The following ETAA1 variants were observed in gnomAD, a reference collection of about 807,000 sequenced individuals.
ETAA1 encodes ETAA1 activator of ATR kinase.
ETAA1 carries 49 observed loss-of-function variants against 76.8 expected under a neutral mutation model. The observed-to-expected ratio is 0.64, with a 90% confidence interval of 0.51 to 0.81. The LOEUF is 0.81. ETAA1 is among the 30% of genes least tolerant of loss of function. The pLI is 0.00. For synonymous variants in ETAA1, 373 were observed against 372.2 expected (o/e 1.00, Z -0.03); for missense variants, 1,099 against 1,074.0 (o/e 1.02, Z -0.32).
chr2:67,410,533 A>T lies in ETAA1; in HGVS notation c.*495A>T, dbSNP rs1676345894. 6.6e-6 allele frequency: 1 copy of T among 152,006 alleles called. No individual in the cohort carries two copies. Among genetic ancestry groups the T allele is most frequent in the African/African-American group, 2.4e-5 (1 of 41,416 alleles). 9.4% of individuals were successfully genotyped at this position (152,006 alleles called of 1,614,324 possible). A position where few individuals can be genotyped will look rare whatever the true frequency, so the allele number is the denominator to read the frequency against. ...GTTGATATGAAATAAAGGACTTTTT[A>T]TTTGTAAGGAAATTATGTTCAGTTC... is the stretch of plus-strand genomic sequence containing the variant. On this transcript the variant is annotated 3_prime_UTR_variant, in exon 6 of 6. Coordinates refer to ENST00000272342, the MANE Select transcript of ETAA1 (RefSeq NM_019002.4).
chr2:67,402,967 T>C lies in ETAA1; in HGVS notation c.535T>C (p.Cys179Arg). ...AGGAAAATCAAGAGCAAAAATCAGCTGCACAAAGTAAGTTAAGACTTTTCA... is the reference window on the plus strand; with the variant it reads ...AGGAAAATCAAGAGCAAAAATCAGCCGCACAAAGTAAGTTAAGACTTTTCA... ...AKGKSRAKIS[C>R]TKLKTQSQEE... The change falls in exon 4 of 6, where the codon TGC (cysteine) becomes CGC (arginine). Residue 179 changes from cysteine to arginine, a missense_variant. Physicochemically the swap from Cys to Arg is radical, Grantham distance 180. Transcript: ENST00000272342. 1 of 1,600,378 alleles carries C rather than the reference T, an allele frequency of 6.2e-7. No homozygotes were observed. Among genetic ancestry groups the C allele is most frequent in the Non-Finnish European group, 8.5e-7 (1 of 1,174,044 alleles).
At chr2:67,400,021 A>G (rs1171226810) in intron 3 of ETAA1, among the ~76,000 whole-genome samples, 1 of 152,186 alleles carries the variant, frequency 6.6e-6, no homozygotes, top group East Asian at 1.9e-4. Context: ...ACATTTCCCC[A>G]TTGAAACTAT....
Position 67,404,036 on chromosome 2 carries a change from T to A in ETAA1, c.1354T>A (p.Tyr452Asn), listed in dbSNP as rs1441186240. ...ATTACAAGATCTTTCTTCAAAGACATATGACAGAGAATTAATAGATGCAGA... is the reference window on the plus strand; with the variant it reads ...ATTACAAGATCTTTCTTCAAAGACAAATGACAGAGAATTAATAGATGCAGA... Reference protein sequence around the residue: ...KVLQDLSSKTYDRELIDAEYR... With the variant: ...KVLQDLSSKTNDRELIDAEYR... The change falls in exon 5 of 6, where the codon TAT (tyrosine) becomes AAT (asparagine). Residue 452 changes from tyrosine (Y) to asparagine (N), a missense_variant. Coordinates refer to ENST00000272342, the MANE Select transcript of ETAA1 (RefSeq NM_019002.4). 12 of 1,607,342 alleles carry A rather than the reference T, an allele frequency of 7.5e-6. No individual in the cohort carries two copies. The highest frequency in any genetic ancestry group is 1.0e-5 in the Non-Finnish European group (12 of 1,177,206).
intron 3 of ETAA1, chr2:67,401,965 A>G (rs1676070573): frequency 6.6e-6 from 1 of 151,888 alleles, no homozygotes; most frequent in South Asian, 2.1e-4. Context: ...TATGCCCAAT[A>G]TTGTGCTGGA....
chr2:67,398,306 C>CTTT (rs57636211), intron 1 of ETAA1, among the ~76,000 whole-genome samples: 7 of 85,380 alleles, frequency 8.2e-5, no homozygotes, highest in African/African-American at 2.1e-4. Flanking sequence ...TGAAATAGTG[C>CTTT]TTTTTTTTTT....
rs1572908127 is a variant in ETAA1, at chr2:67,402,836, C to A, written c.430-26C>A. On this transcript the variant is annotated intron_variant, in intron 3 of 5. Transcript: ENST00000272342. ...GGGGATGCTACACTGGTACTTTATA[C>A]CTCTTTTTTTCCCTATCTGCCAAAG... 2.0e-6 allele frequency: 3 copies of A among 1,514,688 alleles called. No homozygotes were observed. In the Middle Eastern group the frequency reaches 5.2e-4, roughly 264 times the overall value. The allele number at this position is 1,514,688 out of a possible 1,614,324, so 93.8% of individuals were successfully genotyped here.
In ETAA1 at chr2:67,410,515, T is replaced by C. The variant is rs1330122973; in HGVS notation, c.*477T>C. 3 of 152,166 alleles carry C rather than the reference T, an allele frequency of 2.0e-5. No individual in the cohort carries two copies. Among genetic ancestry groups the C allele is most frequent in the Non-Finnish European group, 4.4e-5 (3 of 68,028 alleles). The allele number at this position is 152,166 out of a possible 1,614,324, so 9.4% of individuals were successfully genotyped here. ...CATATTTCTAGGAACATGGTTGATA[T>C]GAAATAAAGGACTTTTTATTTGTAA... is the stretch of plus-strand genomic sequence containing the variant. On this transcript the variant is annotated 3_prime_UTR_variant, in exon 6 of 6. Coordinates refer to ENST00000272342, the MANE Select transcript of ETAA1 (RefSeq NM_019002.4).
Position 67,405,030 on chromosome 2 carries a change from T to G in ETAA1, c.2348T>G (p.Met783Arg), listed in dbSNP as rs201010502. The G allele has an allele frequency of 3.7e-6, 6 of 1,611,678 alleles. No homozygotes were observed. Among genetic ancestry groups the G allele is most frequent in the Admixed American group, 1.7e-5 (1 of 59,662 alleles). ...AGTTTGAATGTAACTTCAGATCATA[T>G]GAATACAGAAATTACTACTTATAAG... is the stretch of plus-strand genomic sequence containing the variant. ...SSSLNVTSDHMNTEITTYKKK... is the reference protein window; with the variant it reads ...SSSLNVTSDHRNTEITTYKKK... The change falls in exon 5 of 6, where the codon ATG becomes AGG. Residue 783 changes from methionine (M) to arginine (R), a missense_variant. This residue lies in a region of ETAA1 where 302 missense variants were observed against 278.1 expected (regional missense o/e 1.09). Transcript: ENST00000272342.
rs1326025000 is a variant in ETAA1, at chr2:67,397,550, G to T, written c.102G>T (p.Arg34Ser). The change falls in exon 1 of 6, where the codon AGG (arginine) becomes AGT (serine). Residue 34 changes from arginine (R) to serine (S), a missense_variant. Arg to Ser is a moderately radical substitution (Grantham distance 110). Transcript: ENST00000272342. Reference protein sequence around the residue: ...EECGSVVEPGRRRLRSARGSW... With the variant: ...EECGSVVEPGSRRLRSARGSW... ...GCGGCTCGGTGGTCGAGCCAGGGAG[G>T]AGGCGGCTGAGATCGGCCCGCGGTT... 1.9e-6 allele frequency: 3 copies of T among 1,576,620 alleles called. No homozygotes were observed. The Admixed American group carries it at 5.5e-5, about 29-fold the overall frequency.
chr2:67,397,781 C>T lies in ETAA1; in HGVS notation c.223+110C>T. 5.4e-6 allele frequency: 6 copies of T among 1,121,290 alleles called. No individual in the cohort carries two copies. The South Asian group carries it at 5.5e-5, about 10-fold the overall frequency. 69.5% of individuals were successfully genotyped at this position (1,121,290 alleles called of 1,614,324 possible). The stretch of plus-strand genomic sequence containing the variant: ...GTGGAGTCTGGAGCGTGTATTCTGT[C>T]TCTGGGATTCACCCCTCGAGAGTCC... On this transcript the variant is annotated intron_variant, in intron 1 of 5. Transcript: ENST00000272342.
rs1659154657 is a variant in ETAA1 at position 67,411,341 on chromosome 2, T to C, written c.*1303T>C. 2 of 152,088 alleles carry C rather than the reference T, an allele frequency of 1.3e-5. No homozygotes were observed. Among genetic ancestry groups the C allele is most frequent in the Admixed American group, 1.3e-4 (2 of 15,220 alleles). 9.4% of individuals were successfully genotyped at this position (152,088 alleles called of 1,614,324 possible). On this transcript the variant is annotated 3_prime_UTR_variant, in exon 6 of 6. Coordinates refer to ENST00000272342, the MANE Select transcript of ETAA1 (RefSeq NM_019002.4). ...TACTGCCCTATAGCTATACAGATAC[T>C]CCTCAACTTACCGTGTAGTTACATC... is the stretch of plus-strand genomic sequence containing the variant.
intron 3 of ETAA1, chr2:67,400,320 G>C (rs932222539): frequency 1.3e-5 from 2 of 152,056 alleles, no homozygotes; most frequent in African/African-American, 4.8e-5. Flanking sequence ...CATCTCCAAA[G>C]CTTTTTTTTC....
Position 67,403,459 on chromosome 2 carries a change from C to T in ETAA1, c.777C>T (p.Thr259=). ...NATKKPIKGN[T]KISVANNQNS... ...CAAAAAAGCCAATCAAAGGAAACACCAAGATATCTGTGGCAAATAATCAAA... is the reference window on the plus strand; with the variant it reads ...CAAAAAAGCCAATCAAAGGAAACACTAAGATATCTGTGGCAAATAATCAAA... Residue 259 remains threonine, a synonymous_variant, in exon 5 of 6, where the codon ACC becomes ACT. Transcript: ENST00000272342. The T allele has an allele frequency of 6.2e-7, 1 of 1,613,182 alleles. No individual in the cohort carries two copies. The highest frequency in any genetic ancestry group is 2.2e-5 in the East Asian group (1 of 44,846).
Position 67,404,015 on chromosome 2 carries a change from C to G in ETAA1, c.1333C>G (p.Gln445Glu). The change falls in exon 5 of 6, where the codon CAA (glutamine) becomes GAA (glutamate). Residue 445 changes from glutamine to glutamate, a missense_variant. Gln to Glu is a conservative substitution (Grantham distance 29). Coordinates refer to ENST00000272342, the MANE Select transcript of ETAA1 (RefSeq NM_019002.4). The part of the protein sequence containing the change: ...DARLGDSKVL[Q>E]DLSSKTYDRE... ...CAGGTTAGGAGATTCAAAAGTATTACAAGATCTTTCTTCAAAGACATATGA... is the reference window on the plus strand; with the variant it reads ...CAGGTTAGGAGATTCAAAAGTATTAGAAGATCTTTCTTCAAAGACATATGA... 1 of 1,607,528 alleles carries G rather than the reference C, an allele frequency of 6.2e-7. No homozygotes were observed.
At position 67,404,095 on chromosome 2, in the gene ETAA1, CA is replaced by C; in HGVS notation, c.1416del (p.Lys472AsnfsTer8). On this transcript the variant is annotated frameshift_variant, in exon 5 of 6. Coordinates refer to ENST00000272342, the MANE Select transcript of ETAA1 (RefSeq NM_019002.4). LOFTEE classifies it high-confidence loss of function. Reference sequence around the variant, plus strand: ...TTTCACCAAATTCAAATAAATCAAACAAATTATCCACTGGAAATAAAATGAA... The same window carrying C: ...TTTCACCAAATTCAAATAAATCAAACAATTATCCACTGGAAATAAAATGAA... Reference protein sequence around the residue: ...RFSPNSNKSNKLSTGNKMKFE... With the variant: ...RFSPNSNKSNXLSTGNKMKFE... 1.3e-6 allele frequency: 2 copies of C among 1,592,674 alleles called. No individual in the cohort carries two copies. Among genetic ancestry groups the C allele is most frequent in the South Asian group, 2.3e-5 (2 of 88,082 alleles).
chr2:67,403,139 A>T, intron 4 of ETAA1, 86 bp from the exon 5 acceptor site: 1 of 1,135,902 alleles, frequency 8.8e-7, no homozygotes, highest in Non-Finnish European at 1.2e-6. Context: ...TTAAAATCTT[A>T]GAGCTTTAAC....
At position 67,405,339 on chromosome 2, in the gene ETAA1, T is replaced by G. The variant is rs749647629; in HGVS notation, c.2653+4T>G. 3.3e-6 allele frequency: 5 copies of G among 1,510,408 alleles called. No homozygotes were observed. The highest frequency in any genetic ancestry group is 2.8e-5 in the African/African-American group (2 of 71,614). The allele number at this position is 1,510,408 out of a possible 1,614,324, so 93.6% of individuals were successfully genotyped here. ...TCTTTGAAACAATCTTCAAAAGGTATGTATGAAATATGAAATAGTTTTCTT... is the reference window on the plus strand; with the variant it reads ...TCTTTGAAACAATCTTCAAAAGGTAGGTATGAAATATGAAATAGTTTTCTT... On this transcript the variant is annotated splice_donor_region_variant and intron_variant, in intron 5 of 5. Transcript: ENST00000272342.
At chr2:67,401,090 T>C (rs1676043865) in intron 3 of ETAA1, 1 of 152,072 alleles carries the variant, frequency 6.6e-6, no homozygotes, top group Non-Finnish European at 1.5e-5. Context: ...AATAAATTAT[T>C]GGACTCTTTA....
At position 67,404,920 on chromosome 2, in the gene ETAA1, G is replaced by C; in HGVS notation, c.2238G>C (p.Gln746His). 1 of 1,613,068 alleles carries C rather than the reference G, an allele frequency of 6.2e-7. No individual in the cohort carries two copies. The highest frequency in any genetic ancestry group is 1.1e-5 in the South Asian group (1 of 91,038). Residue 746 changes from glutamine to histidine, a missense_variant, in exon 5 of 6, where the codon CAG becomes CAC. Gln to His is a conservative substitution (Grantham distance 24). This residue lies in a region of ETAA1 where 302 missense variants were observed against 278.1 expected (regional missense o/e 1.09). Transcript: ENST00000272342. ...LTMYSKISNCQINNLHVSYTN... is the reference protein window; with the variant it reads ...LTMYSKISNCHINNLHVSYTN... ...TGTATTCTAAGATCTCAAACTGTCA[G>C]ATAAATAATCTGCATGTGTCTTATA...
Sources: gnomAD v4.1 joint callset for allele counts (sites outside exome capture counted in the v4.1 genomes callset) on GRCh38, gnomAD v4.1.1 for gene constraint, gnomAD v4.1.1 regional missense constraint, MANE v1.5 for transcripts, NCBI Gene and HGNC (gene_info 2026-07-23, HGNC 2026-07-21) for gene names.